RSPO3: variants seen among roughly 807,000 people sequenced by gnomAD.
RSPO3 encodes R-spondin 3, also known as R-spondin-3.
A neutral mutation model predicts 36.5 loss-of-function variants in RSPO3; 17 were observed. The observed-to-expected ratio is 0.47, with a 90% CI of 0.32 to 0.70. The LOEUF (loss-of-function observed/expected upper bound fraction) is 0.70, where lower values mean the gene tolerates loss of function less well. RSPO3 is among the 30% of genes least tolerant of loss of function. The probability of loss-of-function intolerance (pLI) is 0.04; values close to 1 mark genes in which losing one functional copy is unlikely to be tolerated. For synonymous variants in RSPO3, 108 were observed against 107.0 expected, an observed-to-expected ratio of 1.01 and a Z score of -0.06; for missense variants, 294 against 322.5, an observed-to-expected ratio of 0.91 and a Z score of 0.68.
chr6:127,183,810 C>T (rs187974579), intron 4 of RSPO3, among the ~76,000 whole-genome samples: 41 of 151,928 alleles, frequency 2.7e-4, no homozygotes, highest in Admixed American at 3.3e-4. Context: ...CCAATACTAT[C>T]CACCCCACCT....
In RSPO3 at chr6:127,195,881, A is replaced by G; in HGVS notation, c.693A>G (p.Ala231=). 6.2e-7 allele frequency: 1 copy of G among 1,611,016 alleles called. No homozygotes were observed. Among genetic ancestry groups the G allele is most frequent in the Non-Finnish European group, 8.5e-7 (1 of 1,178,144 alleles). The change falls in exon 5 of 5, where the codon GCA becomes GCG. Residue 231 remains alanine, a synonymous_variant. Transcript: ENST00000356698. ...CTAATAAAGGAGAAAGTAAAGAAGC[A>G]ATACCTGACAGCAAAAGTCTGGAAT... ...KKPNKGESKE[A]IPDSKSLESS...
In RSPO3 at chr6:127,148,651, A is replaced by G; in HGVS notation, c.101A>G (p.His34Arg). 1 of 1,611,548 alleles carries G rather than the reference A, an allele frequency of 6.2e-7. No homozygotes were observed. The highest frequency in any genetic ancestry group is 1.1e-5 in the South Asian group (1 of 90,738). The change falls in exon 2 of 5, where the codon CAT becomes CGT. Residue 34 changes from histidine (H) to arginine (R), a missense_variant. His to Arg is a conservative substitution (Grantham distance 29, BLOSUM62 0). Transcript: ENST00000356698. ...ASRGRRQRRM[H>R]PNVSQGCQGG... Reference sequence around the variant, plus strand: ...CTTTCTACATTTGTCTCCACAGTGCATCCTAACGTTAGTCAAGGCTGCCAA... The same window carrying G: ...CTTTCTACATTTGTCTCCACAGTGCGTCCTAACGTTAGTCAAGGCTGCCAA...
chr6:127,191,586 A>G (rs190232257), intron 4 of RSPO3, among the ~76,000 whole-genome samples: 2 of 152,348 alleles, frequency 1.3e-5, no homozygotes, highest in African/African-American at 4.8e-5. Context: ...TGATACTACT[A>G]TGCAACAAAA....
At chr6:127,187,100 G>A (rs781117705) in intron 4 of RSPO3, among the ~76,000 whole-genome samples, 64 of 152,266 alleles carry the variant, frequency 4.2e-4, no homozygotes, top group Middle Eastern at 3.4e-3. Context: ...AGCAGGGGGC[G>A]CCAGCGGGCA....
At chr6:127,137,742 C>A (rs984442694) in intron 1 of RSPO3, among the ~76,000 whole-genome samples, 4 of 152,000 alleles carry the variant, frequency 2.6e-5, no homozygotes, top group Non-Finnish European at 5.9e-5. Flanking sequence ...TTTTCTTTTC[C>A]TTCAAGTTCC....
At chr6:127,162,109 T>C (rs963682823) in intron 4 of RSPO3, among the ~76,000 whole-genome samples, 6 of 152,074 alleles carry the variant, frequency 3.9e-5, no homozygotes, top group African/African-American at 1.4e-4. Context: ...CCTTCCAAAG[T>C]AGAAAAGGTG....
chr6:127,157,863 T>A (rs909191986), intron 4 of RSPO3, among the ~76,000 whole-genome samples: 1 of 151,842 alleles, frequency 6.6e-6, no homozygotes, highest in Admixed American at 6.6e-5. Context: ...TTTCTTAACT[T>A]CTCTTAAGGT....
intron 4 of RSPO3, among the ~76,000 whole-genome samples, chr6:127,178,397 G>A (rs923817458): frequency 1.3e-5 from 2 of 151,556 alleles, no homozygotes; most frequent in African/African-American, 4.8e-5. Flanking sequence ...AATGGTTTTA[G>A]GTATCCCTTC....
Position 127,119,039 on chromosome 6 carries a change from C to T in RSPO3, c.-154C>T, listed in dbSNP as rs1038859074. The T allele has an allele frequency of 2.3e-5, 12 of 526,234 alleles. No individual in the cohort carries two copies. Among genetic ancestry groups the T allele is most frequent in the Non-Finnish European group, 4.0e-5 (12 of 300,350 alleles). 32.6% of individuals were successfully genotyped at this position (526,234 alleles called of 1,614,324 possible). ...CTGTCCACCCGCCCCACTTCGCTTG[C>T]CATCACAGCACGCCTATCGGATGTG... On this transcript the variant is annotated 5_prime_UTR_variant, in exon 1 of 5. Transcript: ENST00000356698.
rs928561089 is a variant in RSPO3, at chr6:127,196,476, G to A, written c.*469G>A. 5 of 152,276 alleles carry A rather than the reference G, an allele frequency of 3.3e-5. No individual in the cohort carries two copies. The highest frequency in any genetic ancestry group is 9.6e-5 in the African/African-American group (4 of 41,458). 9.4% of individuals were successfully genotyped at this position (152,276 alleles called of 1,614,324 possible). On this transcript the variant is annotated 3_prime_UTR_variant, in exon 5 of 5. Coordinates refer to ENST00000356698, the MANE Select transcript of RSPO3 (RefSeq NM_032784.5). Reference sequence around the variant, plus strand: ...TGTTGTTTTGACCGGGAGATCTAGAGAGTGCTCAGAATTAGGGCCTGGCAT... The same window carrying A: ...TGTTGTTTTGACCGGGAGATCTAGAAAGTGCTCAGAATTAGGGCCTGGCAT...
intron 4 of RSPO3, among the ~76,000 whole-genome samples, chr6:127,182,541 C>G (rs976095383): frequency 6.6e-6 from 1 of 151,862 alleles, no homozygotes; most frequent in East Asian, 1.9e-4. Context: ...TTGAGTAAGA[C>G]AGTGTTCATT....
At chr6:127,126,538 T>C (rs768932436) in intron 1 of RSPO3, among the ~76,000 whole-genome samples, 6 of 152,236 alleles carry the variant, frequency 3.9e-5, no homozygotes, top group Non-Finnish European at 7.4e-5. Flanking sequence ...TGCCAAATCT[T>C]GCAGCTGAAA....
At chr6:127,166,370 T>C (rs187516254) in intron 4 of RSPO3, among the ~76,000 whole-genome samples, 7 of 152,156 alleles carry the variant, frequency 4.6e-5, no homozygotes, top group African/African-American at 1.4e-4. Context: ...AATTGATACA[T>C]TGACTTTCTA....
At chr6:127,148,062 T>C (rs552307254) in intron 1 of RSPO3, among the ~76,000 whole-genome samples, 3 of 152,240 alleles carry the variant, frequency 2.0e-5, no homozygotes, top group Admixed American at 1.3e-4. Flanking sequence ...TCAGTTTGCA[T>C]TGGATCAAAA....
At chr6:127,154,544 C>T (rs1287610218) in intron 3 of RSPO3, among the ~76,000 whole-genome samples, 2 of 152,118 alleles carry the variant, frequency 1.3e-5, no homozygotes, top group Admixed American at 1.3e-4. Flanking sequence ...TAATAGATGC[C>T]GCTATGCCTG....
intron 4 of RSPO3, among the ~76,000 whole-genome samples, chr6:127,177,803 C>CAA (rs1233546794): frequency 6.6e-6 from 1 of 151,012 alleles, no homozygotes; most frequent in Non-Finnish European, 1.5e-5. Context: ...TGTTTTTCCT[C>CAA]AAAAGTCAGT....
At chr6:127,179,453 C>G (rs1775135817) in intron 4 of RSPO3, among the ~76,000 whole-genome samples, 1 of 151,776 alleles carries the variant, frequency 6.6e-6, no homozygotes, top group African/African-American at 2.4e-5. Flanking sequence ...TCTGTGTAGA[C>G]AAATTAGATG....
chr6:127,126,871 C>T (rs767373770), intron 1 of RSPO3, among the ~76,000 whole-genome samples: 1 of 152,050 alleles, frequency 6.6e-6, no homozygotes, highest in South Asian at 2.1e-4. Flanking sequence ...CCCCTAAGCT[C>T]TCCCCCTTTT....
At chr6:127,164,495 T>G (rs1774774516) in intron 4 of RSPO3, among the ~76,000 whole-genome samples, 1 of 152,076 alleles carries the variant, frequency 6.6e-6, no homozygotes, top group South Asian at 2.1e-4. Flanking sequence ...ATGCTAAGAA[T>G]ATTTTAACTA....
Sources: allele counts gnomAD v4.1 joint callset (sites outside exome capture counted in the v4.1 genomes callset), GRCh38; gene constraint gnomAD v4.1.1; transcripts MANE v1.5; gene names NCBI Gene and HGNC (gene_info 2026-07-23, HGNC 2026-07-21).